Variants in MATN2 observed in about 807,000 individuals in gnomAD.
The protein encoded by MATN2 is matrilin 2.
In MATN2, 69 loss-of-function variants were observed where a neutral mutation model predicts 103.2. The ratio of observed to expected loss-of-function variants is 0.67; its 90% CI spans 0.55 to 0.82. The LOEUF (loss-of-function observed/expected upper bound fraction) is 0.82. MATN2 is among the 40% of genes least tolerant of loss of function. The pLI is 0.00. For missense variants in MATN2, 1,023 were observed against 1,211.5 expected, an observed-to-expected ratio of 0.84 and a Z score of 2.31; for synonymous variants, 429 against 450.2, an observed-to-expected ratio of 0.95 and a Z score of 0.60.
intron 13 of MATN2, among the ~76,000 whole-genome samples, chr8:98,022,086 A>G (rs920016376): frequency 2.9e-4 from 44 of 152,206 alleles, no homozygotes; most frequent in African/African-American, 9.6e-4. Context: ...GCAGCAAAAA[A>G]CTGGAAACAA....
intron 2 of MATN2, among the ~76,000 whole-genome samples, chr8:97,897,710 G>A (rs1818859284): frequency 6.6e-6 from 1 of 152,150 alleles, no homozygotes; most frequent in Non-Finnish European, 1.5e-5. Flanking sequence ...TGGAAACATG[G>A]ACCCCATGGA....
intron 17 of MATN2, 135 bp from the exon 18 acceptor site, chr8:98,033,426 T>C (rs961923433): frequency 2.5e-5 from 16 of 646,230 alleles, no homozygotes; most frequent in Non-Finnish European, 3.7e-5. Flanking sequence ...TGGTATTTAC[T>C]GGATCTGGCT....
In MATN2 at chr8:97,982,131, G is replaced by T. The variant is rs1812048192; in HGVS notation, c.1081+3123G>T. ...AAGAGCCCTCTTCCCACCATGCTTG[G>T]GGTGGGCAGGAGCCAGACCCAGGAG... On this transcript the variant is annotated intron_variant, in intron 6 of 18. Coordinates refer to ENST00000254898, the MANE Select transcript of MATN2 (RefSeq NM_002380.5). This position sits in a 1 kb window ranked among gnomAD's most constrained non-coding sequence, Gnocchi z 4.3. 6.6e-6 allele frequency among the ~76,000 whole-genome samples: 1 copy of T among 152,186 alleles called. No homozygotes were observed. The highest frequency in any genetic ancestry group is 1.9e-4 in the East Asian group (1 of 5,190).
intron 10 of MATN2, among the ~76,000 whole-genome samples, chr8:98,012,659 C>G (rs529334137): frequency 6.6e-6 from 1 of 152,150 alleles, no homozygotes; most frequent in South Asian, 2.1e-4. Context: ...GCTGGCCTCT[C>G]TTGAGAAAAT....
At chr8:97,935,431 G>A (rs1810342866) in intron 3 of MATN2, among the ~76,000 whole-genome samples, 1 of 152,206 alleles carries the variant, frequency 6.6e-6, no homozygotes, top group African/African-American at 2.4e-5. Flanking sequence ...TTATGGAAGA[G>A]GAAATTGAGA....
chr8:97,965,272 A>AT (rs2130269981), intron 5 of MATN2, among the ~76,000 whole-genome samples: 1 of 152,338 alleles, frequency 6.6e-6, no homozygotes, highest in South Asian at 2.1e-4. Context: ...CCTAGATTTT[A>AT]TCTCTGAAAA....
chr8:97,887,431 T>C (rs912571941), intron 1 of MATN2, among the ~76,000 whole-genome samples: 1 of 152,078 alleles, frequency 6.6e-6, no homozygotes, highest in Non-Finnish European at 1.5e-5. Flanking sequence ...CTGAGCCTTA[T>C]GGGAATGTGG....
rs574013699 is a variant in MATN2, at chr8:97,941,879, C to T, written c.815C>T (p.Ser272Leu). ...CRCKQGYILN[S>L]DQTTCRIQDL... is the part of the protein sequence containing the mutation. ...TGCAAACAAGGCTACATTCTCAACT[C>T]GGATCAGACGACTTGCAGAAGTAAG... Residue 272 changes from serine to leucine, a missense_variant, in exon 4 of 19, where the codon TCG becomes TTG. Transcript: ENST00000254898. The T allele has an allele frequency of 1.1e-5, 18 of 1,613,374 alleles. No homozygotes were observed. The African/African-American group carries it at 1.7e-4, about 16-fold the overall frequency.
intron 2 of MATN2, among the ~76,000 whole-genome samples, chr8:97,891,016 C>A (rs555934650): frequency 4.7e-4 from 72 of 152,274 alleles, no homozygotes; most frequent in Non-Finnish European, 8.7e-4. Flanking sequence ...GCTGTTCACT[C>A]GGCAGCCTGT....
rs879053021 is a variant in MATN2, at chr8:98,003,802, T to C, written c.1327+19T>C. On this transcript the variant is annotated intron_variant, in intron 8 of 18. Coordinates refer to ENST00000254898, the MANE Select transcript of MATN2 (RefSeq NM_002380.5). The stretch of plus-strand genomic sequence containing the variant: ...TGCAGCCGTGAGTGTACCCTAGGGG[T>C]GGGGTGCTGATGGAAGGTGGGGTCC... 6.2e-7 allele frequency: 1 copy of C among 1,612,612 alleles called. No homozygotes were observed. Among genetic ancestry groups the C allele is most frequent in the African/African-American group, 1.3e-5 (1 of 74,722 alleles).
intron 4 of MATN2, among the ~76,000 whole-genome samples, chr8:97,957,997 A>G (rs1811193080): frequency 6.6e-6 from 1 of 152,198 alleles, no homozygotes. Flanking sequence ...TGAAAGGAAC[A>G]AGCATATCCT....
chr8:97,928,028 C>T (rs4298468), intron 2 of MATN2, among the ~76,000 whole-genome samples: 99,694 of 151,860 alleles, frequency 0.66, 33,394 homozygotes, highest in East Asian at 0.92. Context: ...TTGGGTCACA[C>T]TCTCCCTGCA....
chr8:98,001,578 C>A (rs1441386525), intron 7 of MATN2, among the ~76,000 whole-genome samples: 1 of 151,220 alleles, frequency 6.6e-6, no homozygotes, highest in African/African-American at 2.4e-5. Flanking sequence ...GATTCTCATG[C>A]CTCAGGCTCC....
At chr8:97,928,214 C>T (rs990256747) in intron 2 of MATN2, among the ~76,000 whole-genome samples, 1 of 136,876 alleles carries the variant, frequency 7.3e-6, no homozygotes, top group Non-Finnish European at 1.5e-5. Context: ...AAAAGCACTC[C>T]TGCCTTTTTT....
intron 7 of MATN2, among the ~76,000 whole-genome samples, chr8:98,001,651 T>G (rs1055793654): frequency 1.3e-5 from 2 of 151,994 alleles, no homozygotes; most frequent in Admixed American, 1.3e-4. Flanking sequence ...TTTGTTTGTT[T>G]GTTTTTAGTA....
At chr8:97,897,436 T>C (rs1818851195) in intron 2 of MATN2, among the ~76,000 whole-genome samples, 1 of 152,214 alleles carries the variant, frequency 6.6e-6, no homozygotes. Context: ...TTATAGGGAA[T>C]TGGCAAAAGG....
At chr8:97,906,426 C>T (rs1819172851) in intron 2 of MATN2, among the ~76,000 whole-genome samples, 1 of 152,148 alleles carries the variant, frequency 6.6e-6, no homozygotes, top group Non-Finnish European at 1.5e-5. Flanking sequence ...GGCATTAGAA[C>T]TAAGTTTCCT....
chr8:97,972,816 C>T (rs1193679272), intron 5 of MATN2, among the ~76,000 whole-genome samples: 1 of 152,218 alleles, frequency 6.6e-6, no homozygotes, highest in African/African-American at 2.4e-5. Context: ...TAAAGAGCTA[C>T]AGCTGGAGAA....
At chr8:97,899,000 C>T (rs1208702435) in intron 2 of MATN2, among the ~76,000 whole-genome samples, 1 of 152,116 alleles carries the variant, frequency 6.6e-6, no homozygotes, top group Non-Finnish European at 1.5e-5. Context: ...AAGCGATCCT[C>T]CTGCTGTGGC....
Sources: allele counts gnomAD v4.1 joint callset (sites outside exome capture counted in the v4.1 genomes callset), GRCh38; gene constraint gnomAD v4.1.1; non-coding constraint Gnocchi (gnomAD v3.1); transcripts MANE v1.5; gene names NCBI Gene and HGNC (gene_info 2026-07-23, HGNC 2026-07-21).